Variants in RHBDD1 observed in about 807,000 individuals in gnomAD.
RHBDD1 encodes the protein rhomboid domain containing 1.
RHBDD1 carries 38 observed loss-of-function variants against 36.3 expected under a neutral mutation model. The observed-to-expected ratio is 1.05, with a 90% CI of 0.81 to 1.37. RHBDD1 has a LOEUF of 1.37. RHBDD1 is among the 40% of genes most tolerant of loss of function. The pLI is 0.00. For missense variants in RHBDD1, 393 were observed against 377.6 expected (o/e 1.04, Z -0.34); for synonymous variants, 151 against 136.5 (o/e 1.11, Z -0.74).
intron 8 of RHBDD1, among the ~76,000 whole-genome samples, chr2:226,933,210 G>A (rs1224310074): frequency 6.6e-6 from 1 of 152,060 alleles, no homozygotes; most frequent in Non-Finnish European, 1.5e-5. Flanking sequence ...GATTTGGGTG[G>A]GGGCACATCC....
At chr2:226,882,016 G>A (rs1055172488) in intron 5 of RHBDD1, among the ~76,000 whole-genome samples, 1 of 152,154 alleles carries the variant, frequency 6.6e-6, no homozygotes, top group African/African-American at 2.4e-5. Flanking sequence ...TACAATGTTA[G>A]GTTCTATAAG....
chr2:226,957,461 G>A (rs377301543), intron 8 of RHBDD1, among the ~76,000 whole-genome samples: 3 of 151,988 alleles, frequency 2.0e-5, no homozygotes, highest in Non-Finnish European at 2.9e-5. Context: ...GGCTCATGAC[G>A]CCTGCAATCT....
At chr2:226,983,638 T>C (rs1430548444) in intron 8 of RHBDD1, among the ~76,000 whole-genome samples, 1 of 152,186 alleles carries the variant, frequency 6.6e-6, no homozygotes, top group Non-Finnish European at 1.5e-5. Context: ...TCCTTATTCC[T>C]TGAATGCTTG....
intron 3 of RHBDD1, among the ~76,000 whole-genome samples, chr2:226,853,259 G>A (rs1943003501): frequency 6.6e-6 from 1 of 152,130 alleles, no homozygotes; most frequent in Non-Finnish European, 1.5e-5. Flanking sequence ...AATGTTCCTG[G>A]TCTAGTGACT....
chr2:226,830,659 A>C (rs1021923563), upstream of RHBDD1, among the ~76,000 whole-genome samples: 1 of 152,058 alleles, frequency 6.6e-6, no homozygotes, highest in African/African-American at 2.4e-5. Context: ...TGCATACCAC[A>C]GTGCCAGATA....
chr2:226,863,871 C>G (rs1944079687), intron 3 of RHBDD1, among the ~76,000 whole-genome samples: 1 of 152,242 alleles, frequency 6.6e-6, no homozygotes, highest in Admixed American at 6.5e-5. Flanking sequence ...CCCAAATCAC[C>G]CTTGAAGACC....
rs762675408 is a variant in RHBDD1 at position 226,857,606 on chromosome 2, C to CA, written c.-90-6995dup. Among the ~76,000 whole-genome samples, 21 of 152,178 alleles carry CA rather than the reference C, an allele frequency of 1.4e-4. 1 individual carries two copies. In the East Asian group the frequency reaches 1.7e-3, roughly 13 times the overall value. ...AATACTATTTGACCATAAAAAGAAA[C>CA]AAAGTATCGATAATTGCTACAACAT... On this transcript the variant is annotated intron_variant, in intron 3 of 8. Coordinates refer to ENST00000392062, the MANE Select transcript of RHBDD1 (RefSeq NM_001167608.3).
intron 5 of RHBDD1, among the ~76,000 whole-genome samples, chr2:226,893,318 AT>A (rs1230349954): frequency 2.6e-5 from 4 of 152,318 alleles, no homozygotes; most frequent in African/African-American, 9.6e-5. Flanking sequence ...CTTTCTGGAG[AT>A]ATTGTGCAAA....
In RHBDD1 at chr2:226,997,257, A is replaced by G. The variant is rs1410307787; in HGVS notation, c.*1735A>G. ...AGTCTAGAAGCTTTAAATGTGTTTAAATTAAAATATTCAAGCTAAATGTTA... is the reference window on the plus strand; with the variant it reads ...AGTCTAGAAGCTTTAAATGTGTTTAGATTAAAATATTCAAGCTAAATGTTA... On this transcript the variant is annotated 3_prime_UTR_variant, in exon 9 of 9. Transcript: ENST00000392062. 6.6e-6 allele frequency: 1 copy of G among 152,202 alleles called. No individual in the cohort carries two copies. The highest frequency in any genetic ancestry group is 1.5e-5 in the Non-Finnish European group (1 of 68,046). 9.4% of individuals were successfully genotyped at this position (152,202 alleles called of 1,614,324 possible). A position where few individuals can be genotyped will look rare whatever the true frequency, so the allele number is the denominator to read the frequency against.
At chr2:226,921,309 T>C (rs1291900461) in intron 8 of RHBDD1, among the ~76,000 whole-genome samples, 9 of 152,144 alleles carry the variant, frequency 5.9e-5, no homozygotes, top group Admixed American at 5.9e-4. Context: ...CTTTTTGTCA[T>C]GAATCTTTTG....
At chr2:226,803,222 G>A in the RHBDD1 span, among the ~76,000 whole-genome samples, 3 of 151,880 alleles carry the variant, frequency 2.0e-5, no homozygotes, top group Admixed American at 1.3e-4. Flanking sequence ...ACTCTGCAAG[G>A]CAATATGAAA....
At chr2:226,903,696 C>CTG (rs1380895213) in intron 5 of RHBDD1, among the ~76,000 whole-genome samples, 1 of 152,066 alleles carries the variant, frequency 6.6e-6, no homozygotes, top group African/African-American at 2.4e-5. Flanking sequence ...CCAGCAAAGG[C>CTG]CCCACCCTCA....
chr2:226,907,339 C>T (rs140157616), intron 6 of RHBDD1, among the ~76,000 whole-genome samples: 10 of 152,276 alleles, frequency 6.6e-5, no homozygotes, highest in African/African-American at 2.4e-4. Context: ...GTGGATGAGC[C>T]ATATATTCAT....
chr2:226,839,661 A>G (rs909264574), intron 3 of RHBDD1, 34 bp downstream of exon 3: 9 of 152,076 alleles, frequency 5.9e-5, no homozygotes, highest in Non-Finnish European at 1.0e-4. Flanking sequence ...TCTGAAGACA[A>G]TTTCCAAGGT....
intron 8 of RHBDD1, among the ~76,000 whole-genome samples, chr2:226,952,862 C>G (rs894685543): frequency 6.6e-6 from 1 of 151,922 alleles, no homozygotes; most frequent in Non-Finnish European, 1.5e-5. Flanking sequence ...ACAAAAATAG[C>G]TACTACCTAT....
intron 5 of RHBDD1, among the ~76,000 whole-genome samples, chr2:226,902,830 A>G (rs1250867608): frequency 6.6e-6 from 1 of 152,218 alleles, no homozygotes; most frequent in Non-Finnish European, 1.5e-5. Context: ...ATATTAGGGC[A>G]ATTAGATTAT....
intron 8 of RHBDD1, among the ~76,000 whole-genome samples, chr2:226,936,656 A>G (rs1046279620): frequency 6.6e-6 from 1 of 152,118 alleles, no homozygotes; most frequent in Non-Finnish European, 1.5e-5. Context: ...GGGCTACCAA[A>G]TCTTAATGAT....
rs558102591 is a variant in RHBDD1 at position 226,843,071 on chromosome 2, C to T, written c.-91+3444C>T. On this transcript the variant is annotated intron_variant, in intron 3 of 8. Coordinates refer to ENST00000392062, the MANE Select transcript of RHBDD1 (RefSeq NM_001167608.3). ...AGTTCATTTATGATTTGGCTTTCTG[C>T]TTGCCGGTGTTGGTGTATAGGAATG... Among the ~76,000 whole-genome samples, 16 of 152,080 alleles carry T rather than the reference C, an allele frequency of 1.1e-4. No individual in the cohort carries two copies. In the East Asian group the frequency reaches 1.4e-3, roughly 13 times the overall value.
intron 8 of RHBDD1, among the ~76,000 whole-genome samples, chr2:226,939,763 T>C (rs1015144931): frequency 6.6e-6 from 1 of 151,942 alleles, no homozygotes; most frequent in South Asian, 2.1e-4. Context: ...TAGAAAAAAA[T>C]TACTTTAAAA....
Sources: allele counts gnomAD v4.1 joint callset (sites outside exome capture counted in the v4.1 genomes callset), GRCh38; gene constraint gnomAD v4.1.1; transcripts MANE v1.5; gene names NCBI Gene and HGNC (gene_info 2026-07-23, HGNC 2026-07-21).